TRANK1: variants seen among roughly 807,000 people sequenced by gnomAD.
TRANK1 encodes TPR and ankyrin repeat-containing protein 1.
Under a neutral mutation model 266.0 loss-of-function variants are expected in TRANK1, and 198 were observed. The ratio of observed to expected loss-of-function variants is 0.74; its 90% CI spans 0.66 to 0.84. TRANK1 has a LOEUF of 0.84. Among genes scored for constraint, TRANK1 ranks in the 40% least tolerant of loss-of-function variants. The pLI is 0.00. For missense variants in TRANK1, 3,326 were observed against 3,634.6 expected (o/e 0.92, Z 2.18); for synonymous variants, 1,396 against 1,384.1 (o/e 1.01, Z -0.19).
At chr3:36,923,475 C>T (rs899748872) in intron 1 of TRANK1, among the ~76,000 whole-genome samples, 1 of 152,028 alleles carries the variant, frequency 6.6e-6, no homozygotes, top group South Asian at 2.1e-4. Context: ...AGGCTGGTCT[C>T]GATCTCCTGA....
intron 1 of TRANK1, among the ~76,000 whole-genome samples, chr3:36,920,337 ACT>A (rs1396728910): frequency 6.6e-6 from 1 of 152,096 alleles, no homozygotes; most frequent in Non-Finnish European, 1.5e-5. Flanking sequence ...CTCCTTCCTC[ACT>A]GAGTCCCAGA....
At chr3:36,898,384 G>T (rs1314906424) in intron 4 of TRANK1, among the ~76,000 whole-genome samples, 1 of 151,942 alleles carries the variant, frequency 6.6e-6, no homozygotes, top group African/African-American at 2.4e-5. Context: ...GGGAGACAGA[G>T]GTTGCAGTGA....
chr3:36,944,866 G>A lies in TRANK1; in HGVS notation c.-57C>T. The A allele has an allele frequency of 7.1e-7, 1 of 1,412,142 alleles. No homozygotes were observed. 87.5% of individuals were successfully genotyped at this position (1,412,142 alleles called of 1,614,324 possible). A position where few individuals can be genotyped will look rare whatever the true frequency, so the allele number is the denominator to read the frequency against. On this transcript the variant is annotated 5_prime_UTR_variant, in exon 1 of 24. Transcript: ENST00000645898. ...CCGCCGCCTGGGGAAGCGCTTCCCTGTGGGCAGGGCGCGGCGGGCAGTGCG... is the reference window on the plus strand; with the variant it reads ...CCGCCGCCTGGGGAAGCGCTTCCCTATGGGCAGGGCGCGGCGGGCAGTGCG...
Position 36,829,544 on chromosome 3 carries a change from C to G in TRANK1, c.8809+20G>C. 1 of 1,613,524 alleles carries G rather than the reference C, an allele frequency of 6.2e-7. No individual in the cohort carries two copies. The highest frequency in any genetic ancestry group is 8.5e-7 in the Non-Finnish European group (1 of 1,179,478). ...ACAGGACCCAAAGTGTTACCTGTCCCCACAATCAAGACTCCTTACCTTCCT... is the reference window on the plus strand; with the variant it reads ...ACAGGACCCAAAGTGTTACCTGTCCGCACAATCAAGACTCCTTACCTTCCT... On this transcript the variant is annotated intron_variant, in intron 23 of 23. Transcript: ENST00000645898.
rs138198488 is a variant in TRANK1, at chr3:36,900,851, C to CAAAAAAAAAAAAAAAAAAAAAA, written c.283-1614_283-1593dup. ...TGGGTGACAAAGCAAGACCCTGTCT[C>CAAAAAAAAAAAAAAAAAAAAAA]AAAAAAAAAAAAAAAAAAAAAAAAA... is the stretch of plus-strand genomic sequence containing the variant. On this transcript the variant is annotated intron_variant, in intron 3 of 23. Coordinates refer to ENST00000645898, the MANE Select transcript of TRANK1 (RefSeq NM_001329998.2). Among the ~76,000 whole-genome samples the CAAAAAAAAAAAAAAAAAAAAAA allele has an allele frequency of 9.0e-3, 566 of 62,872 alleles. 48 individuals are homozygous for CAAAAAAAAAAAAAAAAAAAAAA. Among genetic ancestry groups the CAAAAAAAAAAAAAAAAAAAAAA allele is most frequent in the Non-Finnish European group, 0.011 (319 of 29,982 alleles). The allele number at this position is 62,872 out of a possible 152,430, so 41.2% of individuals were successfully genotyped here. A position where few individuals can be genotyped will look rare whatever the true frequency, so the allele number is the denominator to read the frequency against.
chr3:36,924,739 G>C (rs928048943), intron 1 of TRANK1, among the ~76,000 whole-genome samples: 1 of 152,048 alleles, frequency 6.6e-6, no homozygotes, highest in African/African-American at 2.4e-5. Flanking sequence ...GGTGCGAAAG[G>C]CCAGGCCACT....
chr3:36,838,846 G>A (rs1232414615), intron 18 of TRANK1, 130 bp from the exon 19 acceptor site: 3 of 850,110 alleles, frequency 3.5e-6, no homozygotes, highest in Non-Finnish European at 5.5e-6. Context: ...CTGAGAAGGA[G>A]GAGCAGGAAG....
chr3:36,836,389 C>T (rs2078770819), intron 20 of TRANK1, among the ~76,000 whole-genome samples: 1 of 152,202 alleles, frequency 6.6e-6, no homozygotes, highest in Non-Finnish European at 1.5e-5. Context: ...CTCAGGAATA[C>T]ATGGCTGTCA....
At chr3:36,938,156 C>G (rs116145819) in intron 1 of TRANK1, among the ~76,000 whole-genome samples, 1,628 of 152,234 alleles carry the variant, frequency 0.011, 29 homozygotes, top group African/African-American at 0.035. Context: ...AAGGGTGGCC[C>G]CTTAACAGCA....
At chr3:36,859,441 C>G (rs1013988802) in intron 11 of TRANK1, among the ~76,000 whole-genome samples, 11 of 152,068 alleles carry the variant, frequency 7.2e-5, no homozygotes, top group Non-Finnish European at 1.5e-4. Flanking sequence ...CCTGACAGGC[C>G]CTGGTGTGTG....
chr3:36,858,137 G>C, intron 12 of TRANK1, 88 bp from the exon 13 acceptor site: 2 of 1,138,540 alleles, frequency 1.8e-6, no homozygotes. Flanking sequence ...ATGCCAGCCA[G>C]GGGCATCTCA....
chr3:36,880,200 G>C, intron 8 of TRANK1: 1 of 191,354 alleles, frequency 5.2e-6, no homozygotes, highest in Non-Finnish European at 1.2e-5. Flanking sequence ...TTCTGGACGA[G>C]AATGCCAAGT....
chr3:36,879,753 T>TATGTAA lies in TRANK1; in HGVS notation c.908-5458_908-5457insTTACAT, dbSNP rs2079463380. Among the ~76,000 whole-genome samples the TATGTAA allele has an allele frequency of 1.4e-4, 12 of 85,128 alleles. 1 individual carries two copies. The highest frequency in any genetic ancestry group is 7.7e-4 in the African/African-American group (12 of 15,546). 55.8% of individuals were successfully genotyped at this position (85,128 alleles called of 152,430 possible). ...ATATATAAATATACAAATATATAAATATATATAAATATATATAAATATATA... is the reference window on the plus strand; with the variant it reads ...ATATATAAATATACAAATATATAAATATGTAAATATATAAATATATATAAATATATA... On this transcript the variant is annotated intron_variant, in intron 8 of 23. Coordinates refer to ENST00000645898, the MANE Select transcript of TRANK1 (RefSeq NM_001329998.2).
chr3:36,909,587 A>G (rs372030120), intron 1 of TRANK1, among the ~76,000 whole-genome samples: 6 of 152,228 alleles, frequency 3.9e-5, no homozygotes, highest in Admixed American at 3.3e-4. Context: ...ACATGTACCT[A>G]TGGGGTCATA....
chr3:36,833,835 T>C lies in TRANK1; in HGVS notation c.5748A>G (p.Ala1916=). The C allele has an allele frequency of 1.9e-6, 3 of 1,614,032 alleles. No homozygotes were observed. Among genetic ancestry groups the C allele is most frequent in the East Asian group, 2.2e-5 (1 of 44,880 alleles). Residue 1916 remains alanine, a synonymous_variant, in exon 22 of 24, where the codon GCA becomes GCG. Coordinates refer to ENST00000645898, the MANE Select transcript of TRANK1 (RefSeq NM_001329998.2). ...SASQFYLEAA[A]KYLSANKMKE... ...TCATCTTATTTGCACTCAGATACTT[T>C]GCTGCAGCTTCCAAGTAAAACTGAC... is the stretch of plus-strand genomic sequence containing the variant.
chr3:36,895,801 A>T (rs1271472937), intron 4 of TRANK1, 43 bp from the exon 5 acceptor site: 2 of 1,339,464 alleles, frequency 1.5e-6, no homozygotes, highest in East Asian at 5.1e-5. Context: ...ATGTGGGGAA[A>T]GTCTACAGCA....
At chr3:36,930,268 C>A (rs1021428066) in intron 1 of TRANK1, among the ~76,000 whole-genome samples, 2 of 152,098 alleles carry the variant, frequency 1.3e-5, no homozygotes, top group African/African-American at 4.8e-5. Flanking sequence ...CGTGGGTCAC[C>A]TTAAGGAACA....
At chr3:36,944,626 T>G (rs1478508614) in intron 1 of TRANK1, among the ~76,000 whole-genome samples, 161 bp downstream of exon 1, 1 of 151,868 alleles carries the variant, frequency 6.6e-6, no homozygotes, top group Non-Finnish European at 1.5e-5. Flanking sequence ...CTGGCTCGGG[T>G]CTGCACCTAG....
chr3:36,890,087 G>GGTT, intron 7 of TRANK1, 127 bp from the exon 8 acceptor site: 1 of 1,260,388 alleles, frequency 7.9e-7, no homozygotes, highest in Non-Finnish European at 1.1e-6. Context: ...TGTGGACCAC[G>GGTT]CTAAGGTAAC....
Sources: allele counts gnomAD v4.1 joint callset (sites outside exome capture counted in the v4.1 genomes callset), GRCh38; gene constraint gnomAD v4.1.1; transcripts MANE v1.5; gene names NCBI Gene and HGNC (gene_info 2026-07-23, HGNC 2026-07-21).